The following AFAP1L2 variants were observed in gnomAD, a reference collection of about 807,000 sequenced individuals.
The protein encoded by AFAP1L2 is actin filament associated protein 1 like 2.
Under a neutral mutation model 99.3 loss-of-function variants are expected in AFAP1L2, and 46 were observed. The ratio of observed to expected loss-of-function variants is 0.46; its 90% CI spans 0.37 to 0.59. AFAP1L2 has a LOEUF of 0.59. Among genes scored for constraint, AFAP1L2 ranks in the 20% least tolerant of loss-of-function variants. The pLI, the probability that AFAP1L2 is intolerant of heterozygous loss-of-function variation, is 0.00. For missense variants in AFAP1L2, 959 were observed against 1,034.9 expected (o/e 0.93, Z 1.01); for synonymous variants, 397 against 419.1 (o/e 0.95, Z 0.64).
the AFAP1L2 span, chr10:114,288,879 C>T: frequency 6.5e-7 from 1 of 1,543,570 alleles, no homozygotes; most frequent in South Asian, 1.2e-5. Flanking sequence ...TCCCTGGGTC[C>T]CGTCGAGGGG....
rs184022781 is a variant in AFAP1L2 at position 114,310,729 on chromosome 10, A to T, written c.793-286T>A. 1.3e-3 allele frequency among the ~76,000 whole-genome samples: 203 copies of T among 152,208 alleles called. 1 individual carries two copies. In the Middle Eastern group the frequency reaches 0.027, roughly 21 times the overall value. ...GGGGCCTTGGCAGCAAAGGCCAAAGATGACCAGAGCCACCAGCCCAGGGCT... is the reference window on the plus strand; with the variant it reads ...GGGGCCTTGGCAGCAAAGGCCAAAGTTGACCAGAGCCACCAGCCCAGGGCT... On this transcript the variant is annotated intron_variant, in intron 7 of 18. Transcript: ENST00000304129.
intron 1 of AFAP1L2, among the ~76,000 whole-genome samples, chr10:114,347,667 C>T (rs967294862): frequency 1.8e-4 from 28 of 152,036 alleles, no homozygotes; most frequent in Non-Finnish European, 1.5e-5. Flanking sequence ...TGTACCACCA[C>T]GCCCTGCTAA....
intron 1 of AFAP1L2, among the ~76,000 whole-genome samples, chr10:114,361,240 G>T (rs1349488045): frequency 6.6e-6 from 1 of 152,116 alleles, no homozygotes; most frequent in Non-Finnish European, 1.5e-5. Flanking sequence ...TTTGAGTGGG[G>T]ACACAGCCAA....
At chr10:114,369,791 C>T (rs370938113) in intron 1 of AFAP1L2, among the ~76,000 whole-genome samples, 5 of 152,084 alleles carry the variant, frequency 3.3e-5, no homozygotes, top group African/African-American at 1.2e-4. Context: ...AATATGTATA[C>T]GTACTGCAAT....
At chr10:114,348,024 T>C (rs2049867124) in intron 1 of AFAP1L2, among the ~76,000 whole-genome samples, 3 of 152,180 alleles carry the variant, frequency 2.0e-5, no homozygotes, top group Admixed American at 6.5e-5. Flanking sequence ...TTCGGTCCAG[T>C]GGATTTGCCT....
chr10:114,319,598 C>T, intron 5 of AFAP1L2: 2 of 1,289,670 alleles, frequency 1.6e-6, no homozygotes, highest in Non-Finnish European at 2.0e-6. Flanking sequence ...CCTTCGGGCA[C>T]CTGCACCCAT....
chr10:114,373,768 C>T (rs905851557), intron 1 of AFAP1L2, among the ~76,000 whole-genome samples: 1 of 152,204 alleles, frequency 6.6e-6, no homozygotes, highest in African/African-American at 2.4e-5. Flanking sequence ...GAGAGAAGAT[C>T]AAGGCCACGG....
downstream of AFAP1L2, chr10:114,290,280 C>T (rs2039443418): frequency 5.8e-6 from 9 of 1,550,556 alleles, no homozygotes; most frequent in Admixed American, 1.2e-4. Flanking sequence ...CCAGCCCGTG[C>T]ATGAATGAGG....
Position 114,301,404 on chromosome 10 carries a change from G to C in AFAP1L2, c.1492C>G (p.Arg498Gly), listed in dbSNP as rs752359432. 6.2e-7 allele frequency: 1 copy of C among 1,614,220 alleles called. No individual in the cohort carries two copies. Among genetic ancestry groups the C allele is most frequent in the African/African-American group, 1.3e-5 (1 of 75,064 alleles). The stretch of plus-strand genomic sequence containing the variant: ...ACGTCGTCATACAGCTCCTCCTGGC[G>C]GTCCTGGCTAGGCAGGCCATCGATG... ...TYIDGLPSQD[R>G]QEELYDDVDL... Residue 498 changes from arginine to glycine, a missense_variant, in exon 13 of 19, where the codon CGC becomes GGC. This residue lies in a region of AFAP1L2 where 576 missense variants were observed against 562.1 expected (regional missense o/e 1.02). Transcript: ENST00000304129.
At chr10:114,318,739 T>TAAAAAAAAAAAAAAAAAAAAAAAAA (rs1354030131) in intron 5 of AFAP1L2, among the ~76,000 whole-genome samples, 1 of 91,038 alleles carries the variant, frequency 1.1e-5, no homozygotes, top group African/African-American at 3.5e-5. Context: ...AGACTCTGTC[T>TAAAAAAAAAAAAAAAAAAAAAAAAA]AAAAAAAAGA....
chr10:114,286,387 C>G, the AFAP1L2 span: 2 of 1,613,848 alleles, frequency 1.2e-6, no homozygotes, highest in East Asian at 2.2e-5. Context: ...GCAGTGAGGC[C>G]GTGCGGGCAG....
chr10:114,290,723 AG>A (rs1194684252), downstream of AFAP1L2, among the ~76,000 whole-genome samples: 2 of 86,440 alleles, frequency 2.3e-5, no homozygotes, highest in Admixed American at 1.2e-4. Flanking sequence ...CAGTAGATCC[AG>A]GGTACAGGGA....
At chr10:114,401,510 C>T (rs1040999072) in intron 1 of AFAP1L2, among the ~76,000 whole-genome samples, 1 of 152,226 alleles carries the variant, frequency 6.6e-6, no homozygotes, top group Non-Finnish European at 1.5e-5. Context: ...TTTGCGAGAG[C>T]CTTACTGCTT....
In AFAP1L2 at chr10:114,297,086, T is replaced by A. The variant is rs746976609; in HGVS notation, c.2322A>T (p.Thr774=). The A allele has an allele frequency of 6.2e-7, 1 of 1,613,804 alleles. No individual in the cohort carries two copies. Among genetic ancestry groups the A allele is most frequent in the South Asian group, 1.1e-5 (1 of 91,024 alleles). The change falls in exon 18 of 19, where the codon ACA becomes ACT. Residue 774 remains threonine, a synonymous_variant. Coordinates refer to ENST00000304129, the MANE Select transcript of AFAP1L2 (RefSeq NM_001001936.3). ...ENVSPRPKAV[T]PASAPDCTPV... ...GGGTACAGTCTGGGGCAGAGGCAGGTGTGACAGCTTTGGGCTGTGGTTATA... is the reference window on the plus strand; with the variant it reads ...GGGTACAGTCTGGGGCAGAGGCAGGAGTGACAGCTTTGGGCTGTGGTTATA...
chr10:114,355,150 T>C (rs1333749598), intron 1 of AFAP1L2, among the ~76,000 whole-genome samples: 6 of 152,120 alleles, frequency 3.9e-5, no homozygotes, highest in Non-Finnish European at 5.9e-5. Context: ...GGGGTATGGC[T>C]GTAATCGGTG....
intron 1 of AFAP1L2, among the ~76,000 whole-genome samples, chr10:114,373,929 G>A (rs781705797): frequency 8.6e-5 from 13 of 152,046 alleles, no homozygotes; most frequent in East Asian, 3.9e-4. Context: ...GGTCCACAGC[G>A]GACAGAAGAT....
At chr10:114,404,290 G>C in intron 1 of AFAP1L2, 150 bp downstream of exon 1, 6 of 921,196 alleles carry the variant, frequency 6.5e-6, no homozygotes, top group Non-Finnish European at 1.0e-5. Flanking sequence ...CGGCGCCGCT[G>C]TCGCCCCCTC....
chr10:114,387,679 G>C (rs2056672530), intron 1 of AFAP1L2, among the ~76,000 whole-genome samples: 1 of 152,156 alleles, frequency 6.6e-6, no homozygotes. Context: ...ATTGCTCATG[G>C]TTGCAATGTC....
At position 114,301,781 on chromosome 10, in the gene AFAP1L2, C is replaced by CA. The variant is rs999810319; in HGVS notation, c.1431-317dup. The stretch of plus-strand genomic sequence containing the variant: ...TAGGATCTCCTTCCAGCAACCACAA[C>CA]AAAAAACCCCTTCTCATTTCATCTT... On this transcript the variant is annotated intron_variant, in intron 12 of 18. Transcript: ENST00000304129. The CA allele has an allele frequency of 1.0e-3, 416 of 400,358 alleles. 1 individual carries two copies. Among genetic ancestry groups the CA allele is most frequent in the Middle Eastern group, 3.8e-3 (5 of 1,322 alleles). The allele number at this position is 400,358 out of a possible 1,614,324, so 24.8% of individuals were successfully genotyped here. A position where few individuals can be genotyped will look rare whatever the true frequency, so the allele number is the denominator to read the frequency against.
Sources: gnomAD v4.1 joint callset for allele counts (sites outside exome capture counted in the v4.1 genomes callset) on GRCh38, gnomAD v4.1.1 for gene constraint, gnomAD v4.1.1 regional missense constraint, MANE v1.5 for transcripts, NCBI Gene and HGNC (gene_info 2026-07-23, HGNC 2026-07-21) for gene names.